NXNL2: variants seen among roughly 807,000 people sequenced by gnomAD.
NXNL2 encodes the protein nucleoredoxin-like protein 2.
Under a neutral mutation model 11.1 loss-of-function variants are expected in NXNL2, and 7 were observed. The ratio of observed to expected loss-of-function variants is 0.63; its 90% confidence interval spans 0.36 to 1.18. NXNL2 has a LOEUF of 1.18. NXNL2 is among the 50% of genes most tolerant of loss of function. The pLI, the probability that NXNL2 is intolerant of heterozygous loss-of-function variation, is 0.02. For synonymous variants in NXNL2, 109 were observed against 101.8 expected (o/e 1.07, Z -0.42); for missense variants, 233 against 217.7 (o/e 1.07, Z -0.44).
chr9:88,575,118 T>C, exon 3 of NXNL2: 2 of 985,056 alleles, frequency 2.0e-6, no homozygotes, highest in Non-Finnish European at 1.2e-6. Context: ...GGGAAAGATA[T>C]TGAAGAGGAG....
rs1347435269 is a variant in NXNL2 at position 88,544,540 on chromosome 9, C to T, written c.464C>T (p.Ser155Phe). 9.1e-6 allele frequency: 14 copies of T among 1,532,778 alleles called. No individual in the cohort carries two copies. Among genetic ancestry groups the T allele is most frequent in the African/African-American group, 1.4e-5 (1 of 72,694 alleles). 94.9% of individuals were successfully genotyped at this position (1,532,778 alleles called of 1,614,324 possible). ...GCGGCCGATATCTTCCAGAATTTCTCCGTTTGAAGTGGGAGGGACCTCAGA... is the reference window on the plus strand; with the variant it reads ...GCGGCCGATATCTTCCAGAATTTCTTCGTTTGAAGTGGGAGGGACCTCAGA... Reference protein sequence around the residue: ...VEAADIFQNFSV With the variant: ...VEAADIFQNFFV The change falls in exon 2 of 2, where the codon TCC (serine) becomes TTC (phenylalanine). Residue 155 changes from serine to phenylalanine, a missense_variant. Ser to Phe is a radical substitution (Grantham distance 155). Transcript: ENST00000375854.
chr9:88,555,740 G>T (rs551286751), intron 1 of NXNL2, among the ~76,000 whole-genome samples: 21 of 152,278 alleles, frequency 1.4e-4, no homozygotes, highest in Non-Finnish European at 2.1e-4. Flanking sequence ...CTTGGTTCTG[G>T]GCTTGGCACT....
intron 1 of NXNL2, among the ~76,000 whole-genome samples, chr9:88,582,599 CCTTCCTTCCTTT>C (rs1050678728): frequency 6.6e-6 from 1 of 151,930 alleles, no homozygotes; most frequent in African/African-American, 2.4e-5. Flanking sequence ...ATCCTTCCTT[CCTTCCTTCCTTT>C]CTTCCTTCCT....
intron 1 of NXNL2, among the ~76,000 whole-genome samples, chr9:88,552,006 C>A (rs900402250): frequency 3.9e-5 from 6 of 152,118 alleles, no homozygotes; most frequent in African/African-American, 1.4e-4. Flanking sequence ...TGGGAGGGAG[C>A]CTGGAGATCA....
chr9:88,567,383 C>T (rs538715857), intron 1 of NXNL2, among the ~76,000 whole-genome samples: 10 of 152,252 alleles, frequency 6.6e-5, no homozygotes, highest in African/African-American at 1.9e-4. Context: ...GTGATTTGCC[C>T]GCCTCAGCCT....
intron 1 of NXNL2, among the ~76,000 whole-genome samples, chr9:88,580,936 T>C (rs1830402535): frequency 6.6e-6 from 1 of 152,170 alleles, no homozygotes; most frequent in African/African-American, 2.4e-5. Context: ...TCCTCCTGAT[T>C]AAATGTAGCT....
chr9:88,564,780 TTATCTC>T (rs1830143491), intron 1 of NXNL2, among the ~76,000 whole-genome samples: 1 of 152,238 alleles, frequency 6.6e-6, no homozygotes, highest in African/African-American at 2.4e-5. Context: ...TCATCTATCT[TTATCTC>T]TGTCAACCAT....
intron 1 of NXNL2, among the ~76,000 whole-genome samples, chr9:88,550,457 T>C (rs1232366488): frequency 6.6e-6 from 1 of 152,178 alleles, no homozygotes; most frequent in Non-Finnish European, 1.5e-5. Context: ...ACAAATTTAA[T>C]GGCTTACATG....
At chr9:88,535,783 C>T (rs1335447051) in intron 1 of NXNL2, 47 bp downstream of exon 1, 6 of 1,463,642 alleles carry the variant, frequency 4.1e-6, no homozygotes, top group African/African-American at 1.4e-5. Context: ...CACGTCTCCC[C>T]CATGTTCCCC....
intron 1 of NXNL2, among the ~76,000 whole-genome samples, chr9:88,562,500 C>T (rs555156479): frequency 6.6e-6 from 1 of 152,266 alleles, no homozygotes; most frequent in South Asian, 2.1e-4. Flanking sequence ...GGTGGCTCAT[C>T]CCAGCACTTT....
intron 1 of NXNL2, among the ~76,000 whole-genome samples, chr9:88,567,463 C>T (rs575743889): frequency 3.3e-5 from 5 of 152,288 alleles, no homozygotes; most frequent in African/African-American, 1.2e-4. Flanking sequence ...GTCTATGCAG[C>T]ATGTTAAAGT....
At chr9:88,537,424 A>T (rs888395948) in intron 1 of NXNL2, among the ~76,000 whole-genome samples, 1 of 152,226 alleles carries the variant, frequency 6.6e-6, no homozygotes. Flanking sequence ...AGCTGGAGGC[A>T]GTGAGCTGCG....
At chr9:88,538,756 C>T (rs540625414) in intron 1 of NXNL2, among the ~76,000 whole-genome samples, 1 of 152,294 alleles carries the variant, frequency 6.6e-6, no homozygotes, top group South Asian at 2.1e-4. Flanking sequence ...TGGGTCTTTC[C>T]CACACAGTAA....
intron 1 of NXNL2, among the ~76,000 whole-genome samples, chr9:88,559,874 A>G (rs1490798757): frequency 1.3e-5 from 2 of 152,200 alleles, no homozygotes; most frequent in African/African-American, 4.8e-5. Flanking sequence ...GGTTTTATGA[A>G]GTCAGCCTGT....
At chr9:88,556,757 T>C (rs1249590023) in intron 1 of NXNL2, among the ~76,000 whole-genome samples, 5 of 152,064 alleles carry the variant, frequency 3.3e-5, no homozygotes. Flanking sequence ...CATCAGATTG[T>C]TGTAATTATG....
rs776349212 is a variant in NXNL2 at position 88,535,674 on chromosome 9, G to A, written c.240G>A (p.Leu80=). Residue 80 remains leucine (L), a synonymous_variant, in exon 1 of 2, where the codon CTG becomes CTA. Transcript: ENST00000375854. The part of the protein sequence containing the change: ...VSADGSSQEM[L]DFMRELHGAW... ...CCGACGGCAGCTCCCAGGAGATGCT[G>A]GACTTCATGCGCGAGCTGCATGGCG... 1 of 1,606,094 alleles carries A rather than the reference G, an allele frequency of 6.2e-7. No individual in the cohort carries two copies. The highest frequency in any genetic ancestry group is 8.5e-7 in the Non-Finnish European group (1 of 1,178,544).
intron 1 of NXNL2, among the ~76,000 whole-genome samples, chr9:88,582,694 A>G (rs1830422806): frequency 7.6e-6 from 1 of 132,386 alleles, no homozygotes; most frequent in Non-Finnish European, 1.5e-5. Context: ...TTCTTTTGAC[A>G]GTCTTGCTCT....
At chr9:88,565,686 G>T (rs185275428) in intron 1 of NXNL2, among the ~76,000 whole-genome samples, 1 of 152,050 alleles carries the variant, frequency 6.6e-6, no homozygotes, top group East Asian at 1.9e-4. Flanking sequence ...TACAGGTGCG[G>T]GACACCACAC....
At chr9:88,565,846 A>G (rs796770306) in intron 1 of NXNL2, among the ~76,000 whole-genome samples, 24 of 152,122 alleles carry the variant, frequency 1.6e-4, no homozygotes, top group African/African-American at 5.3e-4. Flanking sequence ...CAACACTTGT[A>G]TTTTTGTTGT....
Sources: allele counts gnomAD v4.1 joint callset (sites outside exome capture counted in the v4.1 genomes callset), GRCh38; gene constraint gnomAD v4.1.1; transcripts MANE v1.5; gene names NCBI Gene and HGNC (gene_info 2026-07-23, HGNC 2026-07-21).